CCDC32: variants seen among roughly 807,000 people sequenced by gnomAD.
CCDC32 encodes the protein coiled-coil domain containing 32.
CCDC32 carries 9 observed loss-of-function variants against 20.1 expected under a neutral mutation model. That is an observed-to-expected ratio of 0.45 (90% CI 0.27 to 0.78). The LOEUF (loss-of-function observed/expected upper bound fraction) is 0.78. Among genes scored for constraint, CCDC32 ranks in the 30% least tolerant of loss-of-function variants. The pLI is 0.16. For synonymous variants in CCDC32, 63 were observed against 79.0 expected (o/e 0.80, Z 1.07); for missense variants, 204 against 215.5 (o/e 0.95, Z 0.33).
intron 2 of CCDC32, chr15:40,557,750 ATC>A (rs1372850394): frequency 9.6e-5 from 15 of 156,486 alleles, no homozygotes; most frequent in Admixed American, 8.9e-4. Context: ...CTTGAAAATA[ATC>A]TCTCTGAGGA....
chr15:40,564,419 G>A (rs1890881588), intron 1 of CCDC32, among the ~76,000 whole-genome samples: 1 of 152,070 alleles, frequency 6.6e-6, no homozygotes, highest in Non-Finnish European at 1.5e-5. Flanking sequence ...TGCTGCTCCA[G>A]AATCCATGTT....
At chr15:40,562,064 CTATT>C (rs1890680529) in intron 2 of CCDC32, 1 of 106,672 alleles carries the variant, frequency 9.4e-6, no homozygotes. Flanking sequence ...AACAATCAAT[CTATT>C]TATGTAAGTT....
chr15:40,558,432 A>T (rs942703230), intron 2 of CCDC32, among the ~76,000 whole-genome samples: 1 of 152,180 alleles, frequency 6.6e-6, no homozygotes. Flanking sequence ...CATAGCATAC[A>T]TTTAAGTTTT....
intron 3 of CCDC32, among the ~76,000 whole-genome samples, chr15:40,546,947 C>A (rs966036623): frequency 1.3e-5 from 2 of 152,136 alleles, no homozygotes; most frequent in African/African-American, 2.4e-5. Flanking sequence ...AGGTGATACA[C>A]CTGTCTCGGC....
intron 2 of CCDC32, among the ~76,000 whole-genome samples, chr15:40,561,257 G>A (rs1890604614): frequency 1.3e-5 from 2 of 151,822 alleles, no homozygotes; most frequent in South Asian, 2.1e-4. Flanking sequence ...GGTGGATCAC[G>A]AAGTCAGGAG....
chr15:40,559,481 T>C (rs1890475937), intron 2 of CCDC32, among the ~76,000 whole-genome samples: 1 of 152,198 alleles, frequency 6.6e-6, no homozygotes, highest in East Asian at 1.9e-4. Context: ...CTCTTCTCCT[T>C]ATCATCATTA....
At chr15:40,563,125 A>G (rs1890768841) in intron 1 of CCDC32, 98 bp from the exon 2 acceptor site, 1 of 1,385,292 alleles carries the variant, frequency 7.2e-7, no homozygotes, top group African/African-American at 1.4e-5. Flanking sequence ...CACTTTGGGA[A>G]GCCGAGGCAG....
At chr15:40,558,490 C>A (rs1433530206) in intron 2 of CCDC32, among the ~76,000 whole-genome samples, 1 of 151,984 alleles carries the variant, frequency 6.6e-6, no homozygotes, top group Non-Finnish European at 1.5e-5. Context: ...GGTTATTTAA[C>A]AATAAAAACA....
downstream of CCDC32, chr15:40,536,352 C>T (rs1246936044): frequency 6.6e-6 from 1 of 152,326 alleles, no homozygotes; most frequent in East Asian, 1.9e-4. Context: ...TCTTCCCACT[C>T]TGAACCTACT....
At chr15:40,539,314 T>G in exon 4 of CCDC32, 1 of 1,535,480 alleles carries the variant, frequency 6.5e-7, no homozygotes, top group Non-Finnish European at 8.7e-7. Flanking sequence ...CGCTCCATCC[T>G]CAGAAAAGCT....
the CCDC32 span, among the ~76,000 whole-genome samples, chr15:40,523,192 T>C: frequency 6.6e-6 from 1 of 151,350 alleles, no homozygotes; most frequent in Admixed American, 6.6e-5. Context: ...GGCCAGCTGC[T>C]GGTTATCTGT....
At chr15:40,545,355 C>A (rs1044054117) in intron 3 of CCDC32, among the ~76,000 whole-genome samples, 1 of 152,164 alleles carries the variant, frequency 6.6e-6, no homozygotes, top group East Asian at 1.9e-4. Flanking sequence ...CACACACACA[C>A]AATCCCTCTC....
chr15:40,539,767 G>C (rs1889295993), intron 3 of CCDC32, among the ~76,000 whole-genome samples: 1 of 151,074 alleles, frequency 6.6e-6, no homozygotes, highest in Non-Finnish European at 1.5e-5. Flanking sequence ...TGTTGGCCAG[G>C]CTGTTCCTCT....
At chr15:40,542,425 G>C (rs1213386693) in intron 3 of CCDC32, among the ~76,000 whole-genome samples, 2 of 152,124 alleles carry the variant, frequency 1.3e-5, no homozygotes, top group Non-Finnish European at 2.9e-5. Context: ...TGCTCACCCT[G>C]GACCCCTCCT....
downstream of CCDC32, among the ~76,000 whole-genome samples, chr15:40,525,063 C>T (rs1894884327): frequency 6.6e-6 from 1 of 150,580 alleles, no homozygotes; most frequent in Non-Finnish European, 1.5e-5. Context: ...TGGAGTCTCA[C>T]TCTGTCGCCC....
chr15:40,562,991 A>G lies in CCDC32; in HGVS notation c.25T>C (p.Ser9Pro), dbSNP rs757833173. Reference protein sequence around the residue: MKMFESADSTATRSGQDLW... With the variant: MKMFESADPTATRSGQDLW... ...TCCTGGCCAGATCTTGTGGCTGTAGAGTCAGCGCTCTCAAACATTTTCATT... is the reference window on the plus strand; with the variant it reads ...TCCTGGCCAGATCTTGTGGCTGTAGGGTCAGCGCTCTCAAACATTTTCATT... Residue 9 changes from serine to proline, a missense_variant, in exon 2 of 4, where the codon TCT becomes CCT. Ser to Pro is a moderately conservative substitution (Grantham distance 74). Transcript: ENST00000416810. The G allele has an allele frequency of 6.2e-7, 1 of 1,614,210 alleles. No individual in the cohort carries two copies. The highest frequency in any genetic ancestry group is 8.5e-7 in the Non-Finnish European group (1 of 1,180,038).
intron 3 of CCDC32, among the ~76,000 whole-genome samples, chr15:40,546,679 TTTC>T (rs1889632836): frequency 6.6e-6 from 1 of 150,792 alleles, no homozygotes; most frequent in Non-Finnish European, 1.5e-5. Context: ...ATTGGGTTGT[TTTC>T]TTCTTGTCTT....
downstream of CCDC32, chr15:40,552,994 A>G (rs1198234771): frequency 2.1e-6 from 1 of 470,822 alleles, no homozygotes; most frequent in Admixed American, 6.4e-5. Flanking sequence ...GGAGGCTGGC[A>G]AAGTGGCCAG....
intron 3 of CCDC32, among the ~76,000 whole-genome samples, chr15:40,545,572 ACATTG>A (rs1328312168): frequency 1.3e-5 from 2 of 152,200 alleles, no homozygotes; most frequent in Non-Finnish European, 2.9e-5. Flanking sequence ...TAGGAATAGT[ACATTG>A]AGGGCTTAGG....
Sources: allele counts gnomAD v4.1 joint callset (sites outside exome capture counted in the v4.1 genomes callset), GRCh38; gene constraint gnomAD v4.1.1; transcripts MANE v1.5; gene names NCBI Gene and HGNC (gene_info 2026-07-23, HGNC 2026-07-21).